The following DCT variants were observed in gnomAD, a reference collection of about 807,000 sequenced individuals.
DCT encodes L-dopachrome tautomerase.
In DCT, 47 loss-of-function variants were observed where a neutral mutation model predicts 53.0. The ratio of observed to expected loss-of-function variants is 0.89; its 90% CI spans 0.70 to 1.13. The LOEUF (loss-of-function observed/expected upper bound fraction) is 1.13, where lower values mean the gene tolerates loss of function less well. Ranked by LOEUF, DCT falls within the 50% of genes most tolerant of loss-of-function variation. The pLI, the probability that DCT is intolerant of heterozygous loss-of-function variation, is 0.00. For synonymous variants in DCT, 244 were observed against 237.0 expected, an observed-to-expected ratio of 1.03 and a Z score of -0.27; for missense variants, 669 against 637.4, an observed-to-expected ratio of 1.05 and a Z score of -0.53.
At chr13:94,526,121 G>T in the DCT span, among the ~76,000 whole-genome samples, 1 of 152,204 alleles carries the variant, frequency 6.6e-6, no homozygotes, top group Non-Finnish European at 1.5e-5. Flanking sequence ...GAACTATGGG[G>T]CATATGGCTC....
chr13:94,532,535 G>T, the DCT span, among the ~76,000 whole-genome samples: 1 of 152,110 alleles, frequency 6.6e-6, no homozygotes, highest in Non-Finnish European at 1.5e-5. Flanking sequence ...CTATCACGAG[G>T]ACAGAAAACC....
chr13:94,474,060 CT>C (rs757831564), intron 1 of DCT, among the ~76,000 whole-genome samples: 5 of 152,062 alleles, frequency 3.3e-5, no homozygotes, highest in African/African-American at 4.8e-5. Context: ...TTAGTTTTTT[CT>C]TCTTAATCTA....
intron 4 of DCT, among the ~76,000 whole-genome samples, chr13:94,465,266 C>T (rs1015114980): frequency 1.1e-4 from 16 of 152,152 alleles, no homozygotes; most frequent in African/African-American, 3.4e-4. Context: ...TGGTGCTTAG[C>T]AAATGTTGAT....
the DCT span, among the ~76,000 whole-genome samples, chr13:94,510,926 A>C: frequency 1.3e-5 from 2 of 152,274 alleles, no homozygotes; most frequent in Admixed American, 6.5e-5. Context: ...CAACCATGTG[A>C]ACCACCTCCT....
chr13:94,506,416 C>T, the DCT span, among the ~76,000 whole-genome samples: 3 of 152,104 alleles, frequency 2.0e-5, no homozygotes, highest in African/African-American at 7.2e-5. Flanking sequence ...ATACAGAAAG[C>T]AACTTGAAGA....
intron 1 of DCT, among the ~76,000 whole-genome samples, chr13:94,470,386 C>G (rs1267441281): frequency 6.6e-6 from 1 of 152,222 alleles, no homozygotes; most frequent in Admixed American, 6.5e-5. Context: ...CTGGGCATCT[C>G]TCTGATCAGC....
chr13:94,475,313 G>T (rs1473117229), intron 1 of DCT, among the ~76,000 whole-genome samples: 1 of 152,142 alleles, frequency 6.6e-6, no homozygotes, highest in African/African-American at 2.4e-5. Flanking sequence ...GCCATCCAAA[G>T]TTGGTATGAC....
At chr13:94,527,194 G>T in the DCT span, among the ~76,000 whole-genome samples, 1 of 152,198 alleles carries the variant, frequency 6.6e-6, no homozygotes, top group Non-Finnish European at 1.5e-5. Flanking sequence ...CCACCTCTAG[G>T]GGGAGGGCAT....
chr13:94,468,671 T>C, intron 2 of DCT, 75 bp downstream of exon 2: 1 of 1,306,304 alleles, frequency 7.7e-7, no homozygotes, highest in African/African-American at 1.5e-5. Flanking sequence ...TTGCATGAAA[T>C]TACTTCCCAC....
chr13:94,518,951 A>C, the DCT span, among the ~76,000 whole-genome samples: 1 of 152,112 alleles, frequency 6.6e-6, no homozygotes. Context: ...AGAATGCACC[A>C]AGTTCTTTCC....
the DCT span, among the ~76,000 whole-genome samples, chr13:94,534,961 T>C: frequency 7.9e-5 from 12 of 152,232 alleles, no homozygotes. Flanking sequence ...CAGGCTGGTC[T>C]CAAACTCCTG....
At chr13:94,514,321 T>G in the DCT span, among the ~76,000 whole-genome samples, 1 of 150,438 alleles carries the variant, frequency 6.6e-6, no homozygotes, top group Admixed American at 6.6e-5. Context: ...AAAACGGGGG[T>G]GGGCATCAAT....
At chr13:94,487,615 C>A in the DCT span, among the ~76,000 whole-genome samples, 6 of 152,120 alleles carry the variant, frequency 3.9e-5, no homozygotes, top group Admixed American at 3.3e-4. Flanking sequence ...AGAGCCATGG[C>A]TAAGATTAAT....
intron 6 of DCT, among the ~76,000 whole-genome samples, chr13:94,445,038 A>G (rs1283960137): frequency 6.6e-6 from 1 of 152,244 alleles, no homozygotes; most frequent in African/African-American, 2.4e-5. Flanking sequence ...GACAGAGTCA[A>G]TATTTACTAA....
rs1883691702 is a variant in DCT, at chr13:94,460,200, G to T, written c.1070C>A (p.Ala357Glu). The T allele has an allele frequency of 1.9e-6, 3 of 1,613,690 alleles. No homozygotes were observed. The highest frequency in any genetic ancestry group is 1.6e-4 in the Middle Eastern group (1 of 6,084). ...CACTTGAGAATCCAGAGTCCCATCT[G>T]CTTTATCAAACCCTTCCAAAGCATT... ...FRNALEGFDK[A>E]DGTLDSQVMS... Residue 357 changes from alanine (A) to glutamate (E), a missense_variant, in exon 6 of 8, where the codon GCA becomes GAA. Transcript: ENST00000377028.
At chr13:94,537,278 C>A in the DCT span, among the ~76,000 whole-genome samples, 12 of 152,358 alleles carry the variant, frequency 7.9e-5, no homozygotes, top group South Asian at 1.9e-3. Context: ...TCCCAAATCT[C>A]ATTTCTCTAG....
the DCT span, among the ~76,000 whole-genome samples, chr13:94,508,224 A>G: frequency 6.6e-6 from 1 of 152,232 alleles, no homozygotes; most frequent in African/African-American, 2.4e-5. Context: ...TGAGCAGACC[A>G]CTTTATAGAT....
intron 4 of DCT, among the ~76,000 whole-genome samples, chr13:94,465,135 C>T (rs745346417): frequency 9.2e-5 from 14 of 152,200 alleles, no homozygotes; most frequent in Non-Finnish European, 1.9e-4. Flanking sequence ...GTACTTCCCA[C>T]ACTCAACTGT....
chr13:94,465,544 A>C (rs901926159), intron 4 of DCT, 89 bp downstream of exon 4: 6 of 1,234,068 alleles, frequency 4.9e-6, no homozygotes, highest in Non-Finnish European at 6.7e-6. Flanking sequence ...CATGCATAAG[A>C]AACAGCACTA....
Sources: gnomAD v4.1 joint callset for allele counts (sites outside exome capture counted in the v4.1 genomes callset) on GRCh38, gnomAD v4.1.1 for gene constraint, MANE v1.5 for transcripts, NCBI Gene and HGNC (gene_info 2026-07-23, HGNC 2026-07-21) for gene names.